Variants in AOX1 observed in about 807,000 individuals in gnomAD.
AOX1 encodes the protein aldehyde oxidase.
AOX1 carries 153 observed loss-of-function variants against 169.5 expected under a neutral mutation model. That is an observed-to-expected ratio of 0.90 (90% CI 0.79 to 1.03). The LOEUF (loss-of-function observed/expected upper bound fraction) is 1.03, where lower values mean the gene tolerates loss of function less well. AOX1 is among the 50% of genes least tolerant of loss of function. The probability of loss-of-function intolerance (pLI) is 0.00; values close to 1 mark genes in which losing one functional copy is unlikely to be tolerated. For synonymous variants in AOX1, 562 were observed against 581.9 expected, an observed-to-expected ratio of 0.97 and a Z score of 0.49; for missense variants, 1,656 against 1,663.9, an observed-to-expected ratio of 1.00 and a Z score of 0.08.
At position 200,627,422 on chromosome 2, in the gene AOX1, T is replaced by G; in HGVS notation, c.2194T>G (p.Phe732Val). Residue 732 changes from phenylalanine (F) to valine (V), a missense_variant, in exon 20 of 35, where the codon TTT (phenylalanine) becomes GTT (valine). Phe to Val is a conservative substitution (Grantham distance 50). Transcript: ENST00000374700. ...KLEYGNVDEAFKVVDQILEGE... is the reference protein window; with the variant it reads ...KLEYGNVDEAVKVVDQILEGE... ...GGAATATGGAAATGTTGACGAAGCA[T>G]TTAAAGTGGTTGATCAAATTCTTGA... 2 of 1,613,540 alleles carry G rather than the reference T, an allele frequency of 1.2e-6. No homozygotes were observed. The highest frequency in any genetic ancestry group is 1.7e-6 in the Non-Finnish European group (2 of 1,179,518).
chr2:200,635,162 GAAGAAATATTGA>G (rs1192340326), intron 21 of AOX1, among the ~76,000 whole-genome samples: 3 of 152,098 alleles, frequency 2.0e-5, no homozygotes, highest in African/African-American at 7.2e-5. Flanking sequence ...TTCAGGGACT[GAAGAAATATTGA>G]GTATTAATAG....
At chr2:200,593,322 T>C in intron 2 of AOX1, 119 bp downstream of exon 2, 1 of 843,582 alleles carries the variant, frequency 1.2e-6, no homozygotes, top group Non-Finnish European at 1.9e-6. Context: ...CCTACTATCA[T>C]GGTTTTATGC....
chr2:200,630,368 C>A (rs1392078710), intron 20 of AOX1, among the ~76,000 whole-genome samples: 2 of 151,646 alleles, frequency 1.3e-5, no homozygotes, highest in Non-Finnish European at 2.9e-5. Context: ...AATAAAAATA[C>A]AAAAATTAGC....
chr2:200,673,399 A>AGCACC (rs2036053934), downstream of AOX1, among the ~76,000 whole-genome samples: 2 of 152,182 alleles, frequency 1.3e-5, no homozygotes, highest in Admixed American at 6.5e-5. Flanking sequence ...ACGGGAAATG[A>AGCACC]TCTGAGGTGC....
chr2:200,607,764 A>G (rs1265055845), intron 10 of AOX1, among the ~76,000 whole-genome samples: 1 of 152,236 alleles, frequency 6.6e-6, no homozygotes, highest in East Asian at 1.9e-4. Flanking sequence ...TGACAGATAC[A>G]CACCATGGAA....
At position 200,604,014 on chromosome 2, in the gene AOX1, T is replaced by C. The variant is rs1341170694; in HGVS notation, c.589-3T>C. ...AGTAATTTCTGATATGTTCTCTTTT[T>C]AGACAAGTCCAAAACTCTTCGCAGA... is the stretch of plus-strand genomic sequence containing the variant. On this transcript the variant is annotated splice_polypyrimidine_tract_variant and splice_region_variant and intron_variant, in intron 7 of 34. Coordinates refer to ENST00000374700, the MANE Select transcript of AOX1 (RefSeq NM_001159.4). 1.2e-6 allele frequency: 2 copies of C among 1,604,718 alleles called. No individual in the cohort carries two copies. The highest frequency in any genetic ancestry group is 1.7e-6 in the Non-Finnish European group (2 of 1,171,572).
At chr2:200,617,481 CAAAAAAAAA>C (rs35035526) in intron 16 of AOX1, among the ~76,000 whole-genome samples, 85 of 58,210 alleles carry the variant, frequency 1.5e-3, no homozygotes, top group African/African-American at 4.7e-3. Context: ...CAACTAACTG[CAAAAAAAAA>C]AAAAAAAAAA....
At chr2:200,656,730 G>A (rs2035693089) in intron 26 of AOX1, 112 bp from the exon 27 acceptor site, 1 of 711,390 alleles carries the variant, frequency 1.4e-6, no homozygotes, top group East Asian at 3.3e-5. Context: ...GCTCCACCCT[G>A]GGGGGTGCGG....
chr2:200,647,492 G>C (rs1006412384), intron 25 of AOX1, among the ~76,000 whole-genome samples: 1 of 152,148 alleles, frequency 6.6e-6, no homozygotes, highest in Admixed American at 6.5e-5. Flanking sequence ...TAAGTTACCT[G>C]GTGCTTCTGT....
At chr2:200,659,903 A>T in intron 28 of AOX1, 92 bp from the exon 29 acceptor site, 1 of 991,706 alleles carries the variant, frequency 1.0e-6, no homozygotes, top group Admixed American at 2.2e-5. Context: ...TCCCTCTTAG[A>T]TAAGCCTATG....
chr2:200,591,907 A>G (rs919721130), intron 1 of AOX1, among the ~76,000 whole-genome samples: 2 of 152,124 alleles, frequency 1.3e-5, no homozygotes, highest in Non-Finnish European at 2.9e-5. Flanking sequence ...TAGAAGAGAA[A>G]GGAGTTTAGA....
chr2:200,622,215 T>C (rs1559242753), intron 18 of AOX1, among the ~76,000 whole-genome samples: 1 of 152,264 alleles, frequency 6.6e-6, no homozygotes, highest in Non-Finnish European at 1.5e-5. Flanking sequence ...TGATGTCTTA[T>C]ATATTTCTTC....
intron 6 of AOX1, among the ~76,000 whole-genome samples, chr2:200,602,707 T>C (rs1280935209): frequency 1.3e-5 from 2 of 152,146 alleles, no homozygotes; most frequent in African/African-American, 4.8e-5. Flanking sequence ...CACAATGTGG[T>C]GCAACTGATC....
chr2:200,617,014 A>G (rs1346326575), intron 16 of AOX1, among the ~76,000 whole-genome samples: 7 of 152,216 alleles, frequency 4.6e-5, no homozygotes, highest in Non-Finnish European at 1.0e-4. Context: ...GTTCTTTTCA[A>G]ATATGATAGT....
chr2:200,671,234 A>G lies in AOX1; in HGVS notation c.*555A>G, dbSNP rs1224744710. On this transcript the variant is annotated 3_prime_UTR_variant, in exon 35 of 35. Coordinates refer to ENST00000374700, the MANE Select transcript of AOX1 (RefSeq NM_001159.4). ...TTTAAAAGTTACTATCAAGAAATTG[A>G]AAGGAAACCCACAGAATAGGATAAA... 6.6e-6 allele frequency: 1 copy of G among 151,934 alleles called. No individual in the cohort carries two copies. The highest frequency in any genetic ancestry group is 1.5e-5 in the Non-Finnish European group (1 of 68,034). The allele number at this position is 151,934 out of a possible 1,614,324, so 9.4% of individuals were successfully genotyped here. A position where few individuals can be genotyped will look rare whatever the true frequency, so the allele number is the denominator to read the frequency against.
Position 200,656,546 on chromosome 2 carries a change from A to T in AOX1, c.3076-296A>T, listed in dbSNP as rs548661642. On this transcript the variant is annotated intron_variant, in intron 26 of 34. Coordinates refer to ENST00000374700, the MANE Select transcript of AOX1 (RefSeq NM_001159.4). ...GTCTATCTATCTCATCTTATATGGG[A>T]TTATAAGAAAATGGATTTCCATTTT... 5.3e-5 allele frequency among the ~76,000 whole-genome samples: 8 copies of T among 152,212 alleles called. No homozygotes were observed. In the South Asian group the frequency reaches 1.5e-3, roughly 28 times the overall value.
At position 200,668,562 on chromosome 2, in the gene AOX1, G is replaced by A. The variant is rs537326072; in HGVS notation, c.3610-53G>A. The A allele has an allele frequency of 2.3e-5, 34 of 1,477,506 alleles. No homozygotes were observed. The African/African-American group carries it at 3.5e-4, about 15-fold the overall frequency. 91.5% of individuals were successfully genotyped at this position (1,477,506 alleles called of 1,614,324 possible). A position where few individuals can be genotyped will look rare whatever the true frequency, so the allele number is the denominator to read the frequency against. On this transcript the variant is annotated intron_variant, in intron 32 of 34. Coordinates refer to ENST00000374700, the MANE Select transcript of AOX1 (RefSeq NM_001159.4). ...CAGCATGAAGTTGAAATGCTACTTA[G>A]TGTTGACTGTGTTTTCTCATACGTG... is the stretch of plus-strand genomic sequence containing the variant.
Position 200,660,046 on chromosome 2 carries a change from C to G in AOX1, c.3352C>G (p.Pro1118Ala). The stretch of plus-strand genomic sequence containing the variant: ...CCTCGAACCCATCATCAGCAAGAAT[C>G]CTAAAGGAACTTGGAAAGACTGGGT... ...KRLEPIISKN[P>A]KGTWKDWAQT... Residue 1118 changes from proline (P) to alanine (A), a missense_variant, in exon 29 of 35, where the codon CCT (proline) becomes GCT (alanine). By Grantham distance (27) the Pro-to-Ala change is conservative. Transcript: ENST00000374700. The G allele has an allele frequency of 6.2e-7, 1 of 1,613,780 alleles. No individual in the cohort carries two copies. Among genetic ancestry groups the G allele is most frequent in the South Asian group, 1.1e-5 (1 of 91,074 alleles).
intron 32 of AOX1, among the ~76,000 whole-genome samples, chr2:200,667,031 C>G (rs2035935252): frequency 6.6e-6 from 1 of 152,180 alleles, no homozygotes; most frequent in Non-Finnish European, 1.5e-5. Context: ...CTCCAAACTT[C>G]TGGGACATAA....
Sources: allele counts gnomAD v4.1 joint callset (sites outside exome capture counted in the v4.1 genomes callset), GRCh38; gene constraint gnomAD v4.1.1; transcripts MANE v1.5; gene names NCBI Gene and HGNC (gene_info 2026-07-23, HGNC 2026-07-21).